Variants in CSMD3 observed in about 807,000 individuals in gnomAD.
The protein encoded by CSMD3 is CUB and sushi domain-containing protein 3.
CSMD3 carries 177 observed loss-of-function variants against 435.2 expected under a neutral mutation model. The ratio of observed to expected loss-of-function variants is 0.41; its 90% CI spans 0.36 to 0.46. The LOEUF (loss-of-function observed/expected upper bound fraction) is 0.46, where lower values mean the gene tolerates loss of function less well. CSMD3 is among the 20% of genes least tolerant of loss of function. The pLI, the probability that CSMD3 is intolerant of heterozygous loss-of-function variation, is 0.34. For synonymous variants in CSMD3, 1,656 were observed against 1,520.5 expected (o/e 1.09, Z -2.07); for missense variants, 4,265 against 4,504.6 (o/e 0.95, Z 1.52).
intron 35 of CSMD3, among the ~76,000 whole-genome samples, chr8:112,396,204 T>C (rs1409673031): frequency 1.3e-5 from 2 of 152,096 alleles, no homozygotes; most frequent in Non-Finnish European, 2.9e-5. Context: ...AATGATACAA[T>C]TGAGAGGGAA....
At chr8:112,918,225 A>C (rs1172965482) in intron 10 of CSMD3, among the ~76,000 whole-genome samples, 1 of 151,928 alleles carries the variant, frequency 6.6e-6, no homozygotes, top group Non-Finnish European at 1.5e-5. Flanking sequence ...TACAACAATA[A>C]ATGAATAATA....
intron 3 of CSMD3, among the ~76,000 whole-genome samples, chr8:113,242,174 T>G (rs952646427): frequency 6.6e-6 from 1 of 151,814 alleles, no homozygotes; most frequent in African/African-American, 2.4e-5. Context: ...AACAAAAAAT[T>G]GTATGGTACT....
intron 12 of CSMD3, among the ~76,000 whole-genome samples, chr8:112,804,898 C>T (rs574833403): frequency 2.6e-5 from 4 of 152,062 alleles, no homozygotes; most frequent in Non-Finnish European, 5.9e-5. Flanking sequence ...CTCTTGACCT[C>T]GTGATCTGCC....
At chr8:112,467,879 G>A (rs1252207037) in intron 32 of CSMD3, among the ~76,000 whole-genome samples, 1 of 152,118 alleles carries the variant, frequency 6.6e-6, no homozygotes, top group African/African-American at 2.4e-5. Flanking sequence ...CTCTAGAGCC[G>A]CCAGAGGAAG....
intron 4 of CSMD3, among the ~76,000 whole-genome samples, chr8:113,163,975 C>T (rs960058508): frequency 2.0e-5 from 3 of 151,928 alleles, no homozygotes; most frequent in African/African-American, 2.4e-5. Flanking sequence ...GCCTTCTTTG[C>T]GTTGTTTAGC....
intron 6 of CSMD3, among the ~76,000 whole-genome samples, chr8:112,984,555 C>T (rs1367754164): frequency 6.6e-6 from 1 of 151,964 alleles, no homozygotes; most frequent in African/African-American, 2.4e-5. Context: ...CAGGGTGATA[C>T]AAATTAGAAG....
chr8:112,593,264 G>C (rs1831353986), intron 22 of CSMD3, among the ~76,000 whole-genome samples: 1 of 152,144 alleles, frequency 6.6e-6, no homozygotes, highest in South Asian at 2.1e-4. Context: ...GCAGCTCTAT[G>C]AGGAATGAAT....
At chr8:113,117,939 C>A (rs1000557408) in intron 4 of CSMD3, among the ~76,000 whole-genome samples, 5 of 152,120 alleles carry the variant, frequency 3.3e-5, no homozygotes, top group African/African-American at 7.2e-5. Context: ...AAGTAAGTAA[C>A]CTGATTTTGG....
intron 59 of CSMD3, among the ~76,000 whole-genome samples, chr8:112,273,192 AT>A (rs1817685416): frequency 6.6e-6 from 1 of 152,142 alleles, no homozygotes; most frequent in African/African-American, 2.4e-5. Flanking sequence ...AGGAATGTTT[AT>A]TTATTTTTAT....
chr8:113,287,097 A>C (rs188999668), intron 2 of CSMD3, among the ~76,000 whole-genome samples: 47 of 152,176 alleles, frequency 3.1e-4, no homozygotes, highest in African/African-American at 1.0e-3. Flanking sequence ...GTCATTAAAT[A>C]TTAGTTTCTT....
chr8:112,223,137 T>C lies in CSMD3; in HGVS notation c.*1634A>G. 1.0e-5 allele frequency: 4 copies of C among 398,262 alleles called. No homozygotes were observed. The highest frequency in any genetic ancestry group is 1.8e-5 in the Non-Finnish European group (4 of 225,578). 24.7% of individuals were successfully genotyped at this position (398,262 alleles called of 1,614,324 possible). On this transcript the variant is annotated 3_prime_UTR_variant, in exon 71 of 71. Transcript: ENST00000297405. ...ACATTAATGAATGAATCATTGTTAT[T>C]GCAGTCATTTGAATAAACAAGAATA...
At chr8:113,336,891 G>A (rs1338941883) in intron 1 of CSMD3, among the ~76,000 whole-genome samples, 9 of 152,114 alleles carry the variant, frequency 5.9e-5, no homozygotes. Flanking sequence ...CAGTGAGGGT[G>A]TTGGAACACC....
At chr8:113,249,067 T>C (rs1293754037) in intron 3 of CSMD3, among the ~76,000 whole-genome samples, 1 of 152,018 alleles carries the variant, frequency 6.6e-6, no homozygotes, top group Non-Finnish European at 1.5e-5. Context: ...TTCATACTGT[T>C]CTCAAGGTAG....
chr8:112,538,147 C>A (rs1230598799), intron 27 of CSMD3, among the ~76,000 whole-genome samples: 1 of 151,926 alleles, frequency 6.6e-6, no homozygotes. Flanking sequence ...ATTCAGCATC[C>A]CTTAATGATA....
chr8:113,316,738 T>C (rs77046107), intron 1 of CSMD3, among the ~76,000 whole-genome samples: 1 of 151,906 alleles, frequency 6.6e-6, no homozygotes, highest in African/African-American at 2.4e-5. Context: ...TTAGTAGAGA[T>C]GGGGTTTCAC....
chr8:112,931,895 A>G (rs767989068), intron 9 of CSMD3, among the ~76,000 whole-genome samples: 14 of 152,196 alleles, frequency 9.2e-5, no homozygotes, highest in Non-Finnish European at 1.8e-4. Context: ...CCACAATCAG[A>G]TATCATCTTA....
chr8:112,557,042 G>C (rs1828187370), intron 24 of CSMD3, 88 bp from the exon 25 acceptor site: 1 of 827,424 alleles, frequency 1.2e-6, no homozygotes, highest in Admixed American at 2.0e-5. Flanking sequence ...TACTATTTTT[G>C]ATGATTACAT....
intron 4 of CSMD3, among the ~76,000 whole-genome samples, chr8:113,170,068 T>C (rs1318259353): frequency 6.6e-6 from 1 of 152,142 alleles, no homozygotes; most frequent in East Asian, 1.9e-4. Context: ...AAAAGAACTC[T>C]CTACAAGCAA....
intron 3 of CSMD3, among the ~76,000 whole-genome samples, chr8:113,219,939 T>C (rs1157968979): frequency 6.6e-6 from 1 of 151,370 alleles, no homozygotes; most frequent in Non-Finnish European, 1.5e-5. Flanking sequence ...GAGGAGAAAA[T>C]GATTACAAAT....
Sources: gnomAD v4.1 joint callset for allele counts (sites outside exome capture counted in the v4.1 genomes callset) on GRCh38, gnomAD v4.1.1 for gene constraint, MANE v1.5 for transcripts, NCBI Gene and HGNC (gene_info 2026-07-23, HGNC 2026-07-21) for gene names.